DHPS: variants seen among roughly 807,000 people sequenced by gnomAD.
The protein encoded by DHPS is migration-inducing gene 13.
DHPS carries 24 observed loss-of-function variants against 38.7 expected under a neutral mutation model. The ratio of observed to expected loss-of-function variants is 0.62; its 90% CI spans 0.45 to 0.87. The LOEUF is 0.87. Ranked by LOEUF, DHPS falls within the 40% of genes least tolerant of loss-of-function variation. The probability of loss-of-function intolerance (pLI) is 0.00; values close to 1 mark genes in which losing one functional copy is unlikely to be tolerated. For synonymous variants in DHPS, 250 were observed against 204.4 expected, an observed-to-expected ratio of 1.22 and a Z score of -1.90; for missense variants, 510 against 497.6, an observed-to-expected ratio of 1.02 and a Z score of -0.24.
rs1455130755 is a variant in DHPS at position 12,681,753 on chromosome 19, A to T, written c.14T>A (p.Leu5Gln). MEGS[L>Q]EREAPAGALA... is the part of the protein sequence containing the mutation. ...CGCCCCCGCTGGCGCCTCCCGTTCC[A>T]GGGAACCTTCCATGCGCCTATAGCC... The change falls in exon 1 of 9, where the codon CTG becomes CAG. Residue 5 changes from leucine (L) to glutamine (Q), a missense_variant. Coordinates refer to ENST00000210060, the MANE Select transcript of DHPS (RefSeq NM_001930.4). The T allele has an allele frequency of 6.2e-7, 1 of 1,610,192 alleles. No individual in the cohort carries two copies. The highest frequency in any genetic ancestry group is 8.5e-7 in the Non-Finnish European group (1 of 1,179,862).
intron 3 of DHPS, 41 bp from the exon 4 acceptor site, chr19:12,679,760 T>C: frequency 6.2e-7 from 1 of 1,614,142 alleles, no homozygotes; most frequent in Non-Finnish European, 8.5e-7. Flanking sequence ...CCCAGGACCC[T>C]TGGTCCAGCT....
downstream of DHPS, among the ~76,000 whole-genome samples, chr19:12,674,370 G>A (rs1182204058): frequency 6.6e-6 from 1 of 152,148 alleles, no homozygotes; most frequent in African/African-American, 2.4e-5. Flanking sequence ...GGTCAGAGCC[G>A]GGGGAATCTC....
At position 12,681,662 on chromosome 19, in the gene DHPS, G is replaced by C; in HGVS notation, c.105C>G (p.Asp35Glu). ...CGCGGTAATTCACACCGCGGTTGAA[G>C]TCGTAGCCCCGGACCTGGGTGCTTT... ...PPESTQVRGYDFNRGVNYRAL... is the reference protein window; with the variant it reads ...PPESTQVRGYEFNRGVNYRAL... The change falls in exon 1 of 9, where the codon GAC becomes GAG. Residue 35 changes from aspartate to glutamate, a missense_variant. Physicochemically the swap from Asp to Glu is conservative, Grantham distance 45. Coordinates refer to ENST00000210060, the MANE Select transcript of DHPS (RefSeq NM_001930.4). 4 of 1,614,230 alleles carry C rather than the reference G, an allele frequency of 2.5e-6. No homozygotes were observed. Among genetic ancestry groups the C allele is most frequent in the South Asian group, 1.1e-5 (1 of 91,092 alleles).
In DHPS at chr19:12,681,126, C is replaced by A. The variant is rs1373241186; in HGVS notation, c.207+434G>T. ...GGATTATAGGCATGCGCCACCGCGC[C>A]CAGCCAGCCCCCACCCTTTTAGGAA... On this transcript the variant is annotated intron_variant, in intron 1 of 8. Coordinates refer to ENST00000210060, the MANE Select transcript of DHPS (RefSeq NM_001930.4). The A allele has an allele frequency of 3.9e-6, 5 of 1,277,346 alleles. No individual in the cohort carries two copies. In the African/African-American group the frequency reaches 7.7e-5, roughly 20 times the overall value. 79.1% of individuals were successfully genotyped at this position (1,277,346 alleles called of 1,614,324 possible).
At chr19:12,680,432 G>A in intron 1 of DHPS, 107 bp from the exon 2 acceptor site, 1 of 1,206,664 alleles carries the variant, frequency 8.3e-7, no homozygotes, top group South Asian at 1.3e-5. Flanking sequence ...CACATTCAGG[G>A]ATACAGGACC....
chr19:12,675,187 G>A (rs994312039), downstream of DHPS, among the ~76,000 whole-genome samples: 5 of 152,186 alleles, frequency 3.3e-5, no homozygotes, highest in Non-Finnish European at 7.4e-5. Context: ...AGCACTTTGG[G>A]AGGCCAAGGC....
At chr19:12,672,848 T>C, downstream of DHPS, 1 of 1,580,796 alleles carries the variant, frequency 6.3e-7, no homozygotes, top group Non-Finnish European at 8.6e-7. Context: ...CTCCTGCAGC[T>C]CCGTGGATGG....
At chr19:12,679,749 C>A (rs1262383771) in intron 3 of DHPS, 30 bp from the exon 4 acceptor site, 1 of 1,614,048 alleles carries the variant, frequency 6.2e-7, no homozygotes, top group South Asian at 1.1e-5. Context: ...AGGCATCAGG[C>A]CCCAGGACCC....
chr19:12,680,112 A>G (rs959468129), intron 2 of DHPS, 49 bp downstream of exon 2: 1 of 1,605,676 alleles, frequency 6.2e-7, no homozygotes, highest in African/African-American at 1.3e-5. Flanking sequence ...CAATAACTGC[A>G]TTGCCCATTG....
chr19:12,680,768 A>C (rs558019880), intron 1 of DHPS, among the ~76,000 whole-genome samples: 1 of 138,078 alleles, frequency 7.2e-6, no homozygotes, highest in Admixed American at 7.5e-5. Flanking sequence ...TCCCGACCTC[A>C]GGTGATCCGC....
chr19:12,672,692 C>T (rs73002393), downstream of DHPS: 3,213 of 709,896 alleles, frequency 4.5e-3, 21 homozygotes, highest in South Asian at 6.9e-3. Context: ...TGGAGTAGGA[C>T]GTAATTGGCC....
At position 12,679,869 on chromosome 19, in the gene DHPS, G is replaced by A. The variant is rs2024741024; in HGVS notation, c.426C>T (p.Cys142=). 2.5e-6 allele frequency: 4 copies of A among 1,614,012 alleles called. No homozygotes were observed. The highest frequency in any genetic ancestry group is 3.4e-6 in the Non-Finnish European group (4 of 1,180,036). ...AGGVEEDLIK[C]LAPTYLGEFS... ...ACTCGCCCAAGTATGTGGGCGCCAG[G>A]CACTTGATGAGGTCTTCCTCCACGC... Residue 142 remains cysteine (C), a synonymous_variant, in exon 3 of 9, where the codon TGC becomes TGT. Transcript: ENST00000210060.
chr19:12,681,804 G>C lies in DHPS; in HGVS notation c.-38C>G. 2 of 1,581,676 alleles carry C rather than the reference G, an allele frequency of 1.3e-6. No homozygotes were observed. The highest frequency in any genetic ancestry group is 1.7e-6 in the Non-Finnish European group (2 of 1,165,280). On this transcript the variant is annotated 5_prime_UTR_variant, in exon 1 of 9. Transcript: ENST00000210060. ...GGCTCTCGAGTCAAAGCTGCCCCTA[G>C]GCCGGGCTTACGGCGGCCCAGAAAC...
Position 12,675,929 on chromosome 19 carries a change from T to A in DHPS, c.1019A>T (p.Tyr340Phe). Residue 340 changes from tyrosine (Y) to phenylalanine (F), a missense_variant, in exon 9 of 9, where the codon TAT becomes TTT. By Grantham distance (22) the Tyr-to-Phe change is conservative (BLOSUM62 3). Coordinates refer to ENST00000210060, the MANE Select transcript of DHPS (RefSeq NM_001930.4). ...GGGGAAGACCAGGGAGGCGTCAGCA[T>A]AGACCTGGGTAGGGGGGAACCTGGG... is the stretch of plus-strand genomic sequence containing the variant. ...IRVDAQPVKVYADASLVFPLL... is the reference protein window; with the variant it reads ...IRVDAQPVKVFADASLVFPLL... 6.2e-7 allele frequency: 1 copy of A among 1,605,220 alleles called. No homozygotes were observed. Among genetic ancestry groups the A allele is most frequent in the Non-Finnish European group, 8.5e-7 (1 of 1,175,136 alleles).
Position 12,679,890 on chromosome 19 carries a change from C to T in DHPS, c.405G>A (p.Val135=). 6.2e-7 allele frequency: 1 copy of T among 1,614,048 alleles called. No homozygotes were observed. Among genetic ancestry groups the T allele is most frequent in the Non-Finnish European group, 8.5e-7 (1 of 1,179,982 alleles). Residue 135 remains valine (V), a synonymous_variant, in exon 3 of 9, where the codon GTG becomes GTA. Transcript: ENST00000210060. ...CCAGGCACTTGATGAGGTCTTCCTCCACGCCGCCAGCTGTGGTCACCAATA... is the reference window on the plus strand; with the variant it reads ...CCAGGCACTTGATGAGGTCTTCCTCTACGCCGCCAGCTGTGGTCACCAATA... ...VDVLVTTAGG[V]EEDLIKCLAP... is the part of the protein sequence containing the mutation.
chr19:12,675,091 C>T (rs967177219), downstream of DHPS, among the ~76,000 whole-genome samples: 19 of 144,566 alleles, frequency 1.3e-4, no homozygotes, highest in Admixed American at 6.5e-4. Context: ...TCCAGCCTGG[C>T]GACAGAGCAA....
intron 7 of DHPS, chr19:12,676,848 C>A: frequency 3.9e-6 from 2 of 507,806 alleles, no homozygotes; most frequent in Non-Finnish European, 7.2e-6. Context: ...CTGCTCCCAG[C>A]TCACACTTCC....
chr19:12,679,227 G>C (rs1040455889), intron 5 of DHPS, among the ~76,000 whole-genome samples: 3 of 152,012 alleles, frequency 2.0e-5, no homozygotes, highest in Non-Finnish European at 2.9e-5. Flanking sequence ...GGCCCCAGGA[G>C]GTTGAGGCTG....
At chr19:12,673,347 A>G (rs2024478326), downstream of DHPS, 1 of 1,538,184 alleles carries the variant, frequency 6.5e-7, no homozygotes, top group Non-Finnish European at 8.9e-7. Context: ...CTTCATACCT[A>G]GATGCCTGCC....
Sources: allele counts gnomAD v4.1 joint callset (sites outside exome capture counted in the v4.1 genomes callset), GRCh38; gene constraint gnomAD v4.1.1; transcripts MANE v1.5; gene names NCBI Gene and HGNC (gene_info 2026-07-23, HGNC 2026-07-21).